GTPBP4: variants seen among roughly 807,000 people sequenced by gnomAD.
GTPBP4 encodes the protein GTP-binding protein 4.
In GTPBP4, 15 loss-of-function variants were observed where a neutral mutation model predicts 81.7. The observed-to-expected ratio is 0.18, with a 90% CI of 0.12 to 0.28. The LOEUF is 0.28. GTPBP4 is among the 10% of genes least tolerant of loss of function. The pLI is 1.00. For missense variants in GTPBP4, 847 were observed against 793.8 expected, an observed-to-expected ratio of 1.07 and a Z score of -0.81; for synonymous variants, 272 against 274.6, an observed-to-expected ratio of 0.99 and a Z score of 0.09.
intron 2 of GTPBP4, among the ~76,000 whole-genome samples, chr10:995,673 CT>C (rs981376326): frequency 5.3e-5 from 8 of 152,258 alleles, no homozygotes; most frequent in African/African-American, 1.9e-4. Context: ...GGGTCGGGGG[CT>C]GGTCATTGCT....
At chr10:1,008,175 G>A (rs1831782306) in intron 10 of GTPBP4, 1 of 453,320 alleles carries the variant, frequency 2.2e-6, no homozygotes, top group African/African-American at 2.0e-5. Flanking sequence ...CACTCTGGGA[G>A]GCCGAGGCGG....
chr10:1,000,653 A>G, intron 6 of GTPBP4, 24 bp from the exon 7 acceptor site: 1 of 1,439,520 alleles, frequency 6.9e-7, no homozygotes, highest in Non-Finnish European at 9.2e-7. Context: ...GTGTGCTTTC[A>G]GTGACAAGGT....
chr10:988,442 C>G lies in GTPBP4; in HGVS notation c.-38C>G. ...CACCTGCGCCCGACGGCGGAAGTTC[C>G]GGGAGTGCCAAGTACCCGCGTGCAT... On this transcript the variant is annotated 5_prime_UTR_variant, in exon 1 of 17. Coordinates refer to ENST00000360803, the MANE Select transcript of GTPBP4 (RefSeq NM_012341.3). 1 of 1,595,480 alleles carries G rather than the reference C, an allele frequency of 6.3e-7. No individual in the cohort carries two copies. The highest frequency in any genetic ancestry group is 1.7e-5 in the Admixed American group (1 of 59,740).
intron 8 of GTPBP4, among the ~76,000 whole-genome samples, chr10:1,004,646 G>A (rs1030884199): frequency 6.6e-5 from 10 of 152,162 alleles, no homozygotes; most frequent in Non-Finnish European, 1.5e-4. Context: ...GGGAGACAAC[G>A]TTCCCTGAGA....
rs1168421674 is a variant in GTPBP4 at position 996,346 on chromosome 10, A to T, written c.460+104A>T. On this transcript the variant is annotated intron_variant, in intron 4 of 16. Coordinates refer to ENST00000360803, the MANE Select transcript of GTPBP4 (RefSeq NM_012341.3). ...GTTTTTCTTGTATTTTGGAGATGAC[A>T]GGGTCAGTTATTCTTCCTAGCTTTA... 3.1e-6 allele frequency: 3 copies of T among 960,906 alleles called. No individual in the cohort carries two copies. The East Asian group carries it at 7.7e-5, about 25-fold the overall frequency. 59.5% of individuals were successfully genotyped at this position (960,906 alleles called of 1,614,324 possible).
At chr10:1,001,675 A>G (rs1218556858) in intron 8 of GTPBP4, among the ~76,000 whole-genome samples, 1 of 79,500 alleles carries the variant, frequency 1.3e-5, no homozygotes, top group Non-Finnish European at 2.3e-5. Context: ...TATAATTCTC[A>G]TGGGTGGTTT....
intron 16 of GTPBP4, 27 bp from the exon 17 acceptor site, chr10:1,017,048 T>TA: frequency 1.3e-6 from 2 of 1,595,244 alleles, no homozygotes; most frequent in Admixed American, 1.7e-5. Context: ...GTAATGAACA[T>TA]ACTTTATTTT....
At position 1,008,980 on chromosome 10, in the gene GTPBP4, A is replaced by G. The variant is rs755409651; in HGVS notation, c.1136A>G (p.Glu379Gly). 6 of 1,612,110 alleles carry G rather than the reference A, an allele frequency of 3.7e-6. No homozygotes were observed. Among genetic ancestry groups the G allele is most frequent in the Non-Finnish European group, 4.2e-6 (5 of 1,178,198 alleles). ...DDKERPPFIP[E>G]GVVARRKRME... ...CAGGAGAGGCCCCCTTTCATCCCTG[A>G]AGGAGTGGTGGCTCGCAGGAAGAGG... Residue 379 changes from glutamate (E) to glycine (G), a missense_variant, in exon 11 of 17, where the codon GAA (glutamate) becomes GGA (glycine). By Grantham distance (98) the Glu-to-Gly change is moderately conservative. Around this residue, in one of 3 missense-constraint regions of GTPBP4, gnomAD observed 600 missense variants for 557.1 expected, o/e 1.08. Coordinates refer to ENST00000360803, the MANE Select transcript of GTPBP4 (RefSeq NM_012341.3).
At chr10:1,007,538 C>T (rs1473547607) in intron 10 of GTPBP4, among the ~76,000 whole-genome samples, 3 of 152,082 alleles carry the variant, frequency 2.0e-5, no homozygotes, top group Admixed American at 2.0e-4. Context: ...AGTTCTTGAC[C>T]AGCCTGGGCA....
In GTPBP4 at chr10:1,014,301, G is replaced by T. The variant is rs748949217; in HGVS notation, c.1597G>T (p.Asp533Tyr). The T allele has an allele frequency of 1.2e-6, 2 of 1,605,940 alleles. No individual in the cohort carries two copies. Among genetic ancestry groups the T allele is most frequent in the South Asian group, 1.1e-5 (1 of 90,938 alleles). The stretch of plus-strand genomic sequence containing the variant: ...GCGTAGTCTTGGTGTTGACATGGAC[G>T]ATAAAGACGATGTGAGTGTGGGGGC... ...EMRSLGVDMD[D>Y]KDDAHYAVQA... Residue 533 changes from aspartate (D) to tyrosine (Y), a missense_variant, in exon 15 of 17, where the codon GAT becomes TAT. By Grantham distance (160) the Asp-to-Tyr change is radical. Coordinates refer to ENST00000360803, the MANE Select transcript of GTPBP4 (RefSeq NM_012341.3).
chr10:1,011,865 C>G (rs1340801967), intron 13 of GTPBP4, among the ~76,000 whole-genome samples: 1 of 152,214 alleles, frequency 6.6e-6, no homozygotes, highest in Non-Finnish European at 1.5e-5. Flanking sequence ...CGCAAGAAGC[C>G]TTGAGACTTC....
At chr10:1,008,517 T>C (rs1831792553) in intron 10 of GTPBP4, 1 of 295,030 alleles carries the variant, frequency 3.4e-6, no homozygotes. Flanking sequence ...CCGTTTCAAG[T>C]GGTCGGCATT....
rs1589023959 is a variant in GTPBP4 at position 996,367 on chromosome 10, C to G, written c.460+125C>G. 5 of 731,244 alleles carry G rather than the reference C, an allele frequency of 6.8e-6. No individual in the cohort carries two copies. The East Asian group carries it at 1.4e-4, about 20-fold the overall frequency. 45.3% of individuals were successfully genotyped at this position (731,244 alleles called of 1,614,324 possible). On this transcript the variant is annotated intron_variant, in intron 4 of 16. Coordinates refer to ENST00000360803, the MANE Select transcript of GTPBP4 (RefSeq NM_012341.3). ...TGACAGGGTCAGTTATTCTTCCTAGCTTTACCTATGAGAAACAGTAATAGG... is the reference window on the plus strand; with the variant it reads ...TGACAGGGTCAGTTATTCTTCCTAGGTTTACCTATGAGAAACAGTAATAGG...
Position 1,017,305 on chromosome 10 carries a change from T to C in GTPBP4, c.*78T>C. On this transcript the variant is annotated 3_prime_UTR_variant, in exon 17 of 17. Coordinates refer to ENST00000360803, the MANE Select transcript of GTPBP4 (RefSeq NM_012341.3). ...TTGGCACAGTATGGTTTCATGAAAT[T>C]GGAGCTCTGTATAAACTGAAAAAGA... is the stretch of plus-strand genomic sequence containing the variant. 1 of 1,306,994 alleles carries C rather than the reference T, an allele frequency of 7.7e-7. No individual in the cohort carries two copies. The highest frequency in any genetic ancestry group is 2.3e-5 in the East Asian group (1 of 43,096). 81.0% of individuals were successfully genotyped at this position (1,306,994 alleles called of 1,614,324 possible). A position where few individuals can be genotyped will look rare whatever the true frequency, so the allele number is the denominator to read the frequency against.
At chr10:1,010,640 C>T (rs1051196080) in intron 13 of GTPBP4, 120 bp downstream of exon 13, 2 of 712,816 alleles carry the variant, frequency 2.8e-6, no homozygotes, top group African/African-American at 3.5e-5. Flanking sequence ...ACCCCTCCAT[C>T]CTGACTCTGC....
rs1589030322 is a variant in GTPBP4, at chr10:1,010,590, C to T, written c.1344+70C>T. 6 of 883,870 alleles carry T rather than the reference C, an allele frequency of 6.8e-6. No individual in the cohort carries two copies. In the East Asian group the frequency reaches 1.2e-4, roughly 18 times the overall value. The allele number at this position is 883,870 out of a possible 1,614,324, so 54.8% of individuals were successfully genotyped here. On this transcript the variant is annotated intron_variant, in intron 13 of 16. Coordinates refer to ENST00000360803, the MANE Select transcript of GTPBP4 (RefSeq NM_012341.3). ...TAGTAGTATTGCTGGAAGATAGCAG[C>T]ATGGCTTCGGCTCAGCTGGGCCTGT...
At chr10:999,301 A>G (rs1203565700) in intron 6 of GTPBP4, among the ~76,000 whole-genome samples, 1 of 151,900 alleles carries the variant, frequency 6.6e-6, no homozygotes, top group Non-Finnish European at 1.5e-5. Flanking sequence ...GTGTTTTTTT[A>G]GTAGAGAGGG....
rs1012425447 is a variant in GTPBP4 at position 1,018,405 on chromosome 10, C to G, written c.*1178C>G. 11 of 145,838 alleles carry G rather than the reference C, an allele frequency of 7.5e-5. No homozygotes were observed. The highest frequency in any genetic ancestry group is 1.5e-4 in the Non-Finnish European group (10 of 67,118). 9.0% of individuals were successfully genotyped at this position (145,838 alleles called of 1,614,324 possible). A position where few individuals can be genotyped will look rare whatever the true frequency, so the allele number is the denominator to read the frequency against. ...TGCCACTGCACTCCAGCCTGGGTGA[C>G]AGAGAGAGACTCCGTGTGAAAAAAA... On this transcript the variant is annotated 3_prime_UTR_variant, in exon 17 of 17. Coordinates refer to ENST00000360803, the MANE Select transcript of GTPBP4 (RefSeq NM_012341.3).
intron 1 of GTPBP4, among the ~76,000 whole-genome samples, chr10:991,256 C>T (rs1831436483): frequency 6.6e-6 from 1 of 152,226 alleles, no homozygotes; most frequent in Non-Finnish European, 1.5e-5. Context: ...TTATCCTCAG[C>T]ACCCAAGTAT....
Sources: allele counts gnomAD v4.1 joint callset (sites outside exome capture counted in the v4.1 genomes callset), GRCh38; gene constraint gnomAD v4.1.1; regional missense constraint gnomAD v4.1.1; transcripts MANE v1.5; gene names NCBI Gene and HGNC (gene_info 2026-07-23, HGNC 2026-07-21).